Variants in TNNI3K observed in about 807,000 individuals in gnomAD.
TNNI3K encodes serine/threonine-protein kinase TNNI3K.
In TNNI3K, 140 loss-of-function variants were observed where a neutral mutation model predicts 114.5. That is an observed-to-expected ratio of 1.22 (90% CI 1.07 to 1.41). The LOEUF is 1.41. Ranked by LOEUF, TNNI3K falls within the 40% of genes most tolerant of loss-of-function variation. The pLI, the probability that TNNI3K is intolerant of heterozygous loss-of-function variation, is 0.00. For synonymous variants in TNNI3K, 347 were observed against 347.5 expected (o/e 1.00, Z 0.02); for missense variants, 1,125 against 1,007.6 (o/e 1.12, Z -1.58).
intron 11 of TNNI3K, among the ~76,000 whole-genome samples, chr1:74,362,772 C>A (rs1662038171): frequency 6.6e-6 from 1 of 151,750 alleles, no homozygotes; most frequent in African/African-American, 2.4e-5. Flanking sequence ...GAAATCACAC[C>A]AAATATAAGA....
intron 9 of TNNI3K, among the ~76,000 whole-genome samples, chr1:74,347,737 CT>C (rs1661096139): frequency 6.6e-6 from 1 of 152,048 alleles, no homozygotes; most frequent in African/African-American, 2.4e-5. Context: ...TGATTTGCAT[CT>C]CTCTGATGGC....
intron 23 of TNNI3K, among the ~76,000 whole-genome samples, chr1:74,514,630 T>C (rs1570727378): frequency 6.6e-6 from 1 of 152,136 alleles, no homozygotes; most frequent in East Asian, 1.9e-4. Flanking sequence ...AAACATCTTC[T>C]GAGATAGTAA....
In TNNI3K at chr1:74,250,656, C is replaced by T. The variant is rs1219312478; in HGVS notation, c.236-16C>T. ...TCCCCACAATGATTTAGCCTTTTTT[C>T]ATTTTTCTCTTTAAGGCAAGAAATC... On this transcript the variant is annotated splice_polypyrimidine_tract_variant and intron_variant, in intron 3 of 24. Transcript: ENST00000326637. The T allele has an allele frequency of 6.2e-7, 1 of 1,603,934 alleles. No homozygotes were observed. The highest frequency in any genetic ancestry group is 1.7e-5 in the Admixed American group (1 of 57,268).
At chr1:74,349,980 G>T (rs889225031) in intron 9 of TNNI3K, among the ~76,000 whole-genome samples, 1 of 152,080 alleles carries the variant, frequency 6.6e-6, no homozygotes, top group Non-Finnish European at 1.5e-5. Context: ...CTGCAGTTCT[G>T]CTCTGATCTT....
intron 2 of TNNI3K, among the ~76,000 whole-genome samples, chr1:74,236,661 C>T (rs937469088): frequency 2.0e-5 from 3 of 151,726 alleles, no homozygotes; most frequent in African/African-American, 7.3e-5. Context: ...AAAGGCTGTC[C>T]CTTAATGGAA....
At chr1:74,341,503 C>T (rs908860662) in intron 7 of TNNI3K, 1 of 151,272 alleles carries the variant, frequency 6.6e-6, no homozygotes, top group African/African-American at 2.4e-5. Context: ...ACATAGTGAT[C>T]ACTTGATTCT....
chr1:74,393,391 A>G (rs1198000725), intron 17 of TNNI3K, among the ~76,000 whole-genome samples: 3 of 152,194 alleles, frequency 2.0e-5, no homozygotes, highest in African/African-American at 7.2e-5. Flanking sequence ...AAAAATTTAT[A>G]TGGGCCTGGA....
At chr1:74,349,529 T>A (rs1343645521) in intron 9 of TNNI3K, among the ~76,000 whole-genome samples, 1 of 152,208 alleles carries the variant, frequency 6.6e-6, no homozygotes, top group African/African-American at 2.4e-5. Flanking sequence ...TTGATTGGAA[T>A]AGTTTCAGAA....
chr1:74,440,323 G>T (rs1362743749), intron 20 of TNNI3K, among the ~76,000 whole-genome samples: 1 of 151,948 alleles, frequency 6.6e-6, no homozygotes, highest in Non-Finnish European at 1.5e-5. Flanking sequence ...ATCTCCTTAA[G>T]GACTTTGCAT....
chr1:74,435,463 T>C (rs1420062210), intron 17 of TNNI3K, among the ~76,000 whole-genome samples: 2 of 152,054 alleles, frequency 1.3e-5, no homozygotes, highest in Non-Finnish European at 2.9e-5. Flanking sequence ...TCTGACACTC[T>C]TCTTAATCTA....
At chr1:74,306,712 T>C (rs1658664036) in intron 5 of TNNI3K, among the ~76,000 whole-genome samples, 1 of 152,224 alleles carries the variant, frequency 6.6e-6, no homozygotes, top group Non-Finnish European at 1.5e-5. Context: ...TTGCCTACTT[T>C]TTAATGGGGT....
chr1:74,310,888 A>G (rs1354828878), intron 5 of TNNI3K, among the ~76,000 whole-genome samples: 1 of 152,076 alleles, frequency 6.6e-6, no homozygotes, highest in African/African-American at 2.4e-5. Context: ...ACTTAACTTC[A>G]GTGAAAGACC....
At chr1:74,538,085 G>T (rs966581978) in intron 23 of TNNI3K, among the ~76,000 whole-genome samples, 4 of 152,070 alleles carry the variant, frequency 2.6e-5, no homozygotes, top group African/African-American at 9.7e-5. Context: ...GCACTATACT[G>T]CTTCCTGCCA....
At chr1:74,430,847 G>T (rs1665865490) in intron 17 of TNNI3K, among the ~76,000 whole-genome samples, 1 of 152,108 alleles carries the variant, frequency 6.6e-6, no homozygotes, top group African/African-American at 2.4e-5. Context: ...AGCAGAAATA[G>T]TTTTGGAGAA....
intron 17 of TNNI3K, among the ~76,000 whole-genome samples, chr1:74,421,708 C>G (rs1343975597): frequency 6.6e-6 from 1 of 151,948 alleles, no homozygotes; most frequent in Non-Finnish European, 1.5e-5. Context: ...ACTGACATCA[C>G]CCGAATATCT....
intron 20 of TNNI3K, among the ~76,000 whole-genome samples, chr1:74,449,095 G>C (rs1666856828): frequency 7.0e-6 from 1 of 143,074 alleles, no homozygotes; most frequent in South Asian, 2.3e-4. Flanking sequence ...TCTGGTCCTG[G>C]ACTCTTTTTG....
At position 74,354,050 on chromosome 1, in the gene TNNI3K, G is replaced by T. The variant is rs751248762; in HGVS notation, c.1098G>T (p.Met366Ile). ...VQFLLDNGAD[M>I]NLVACDPSRS... ...TCTTACTGGATAATGGAGCTGATAT[G>T]AATCTAGTGGCTTGTGATCCCAGCA... The change falls in exon 11 of 25, where the codon ATG becomes ATT. Residue 366 changes from methionine to isoleucine, a missense_variant. By Grantham distance (10) the Met-to-Ile change is conservative. Transcript: ENST00000326637. The T allele has an allele frequency of 6.2e-7, 1 of 1,614,070 alleles. No homozygotes were observed. The highest frequency in any genetic ancestry group is 8.5e-7 in the Non-Finnish European group (1 of 1,179,996).
chr1:74,445,221 CT>C (rs71078192), intron 20 of TNNI3K, among the ~76,000 whole-genome samples: 16,822 of 145,506 alleles, frequency 0.12, 1,557 homozygotes, highest in African/African-American at 0.26. Flanking sequence ...TTTTTTCTTT[CT>C]TTTTTTTTTT....
rs148164090 is a variant in TNNI3K at position 74,425,180 on chromosome 1, T to G, written c.1773-10900T>G. Among the ~76,000 whole-genome samples, 106 of 152,186 alleles carry G rather than the reference T, an allele frequency of 7.0e-4. 1 individual carries two copies. The highest frequency in any genetic ancestry group is 2.6e-3 in the African/African-American group (106 of 41,564). On this transcript the variant is annotated intron_variant, in intron 17 of 24. Coordinates refer to ENST00000326637, the MANE Select transcript of TNNI3K (RefSeq NM_015978.3). ...TGGCTTAGGCATGGCAGTCAATGAT[T>G]AGAGGGATAAAGTGAAGAGTGTTTA...
Sources: gnomAD v4.1 joint callset for allele counts (sites outside exome capture counted in the v4.1 genomes callset) on GRCh38, gnomAD v4.1.1 for gene constraint, MANE v1.5 for transcripts, NCBI Gene and HGNC (gene_info 2026-07-23, HGNC 2026-07-21) for gene names.